The following SH3KBP1 variants were observed in gnomAD, a reference collection of about 807,000 sequenced individuals.
SH3KBP1 encodes SH3 domain containing kinase binding protein 1.
In SH3KBP1, 8 loss-of-function variants were observed where a neutral mutation model predicts 50.1. The observed-to-expected ratio is 0.16, with a 90% CI of 0.09 to 0.29. The LOEUF is 0.29. Among genes scored for constraint, SH3KBP1 ranks in the 10% least tolerant of loss-of-function variants. The pLI is 1.00. For missense variants in SH3KBP1, 377 were observed against 535.2 expected (o/e 0.70, Z 2.92); for synonymous variants, 227 against 218.6 (o/e 1.04, Z -0.34).
chrX:19,875,151 A>G (rs1359663862), intron 1 of SH3KBP1, among the ~76,000 whole-genome samples: 4 of 111,002 alleles, frequency 3.6e-5, no homozygotes, highest in African/African-American at 1.3e-4. Context: ...GCGCCAGACG[A>G]TGTCACAACT....
At chrX:19,593,722 C>T (rs892158230) in intron 10 of SH3KBP1, among the ~76,000 whole-genome samples, 13 of 111,687 alleles carry the variant, frequency 1.2e-4, no homozygotes, top group African/African-American at 3.9e-4. Context: ...CTGAAGAATC[C>T]AATCTTAGCT....
chrX:19,793,388 G>A (rs1367210322), intron 2 of SH3KBP1, among the ~76,000 whole-genome samples: 2 of 108,804 alleles, frequency 1.8e-5, no homozygotes, highest in East Asian at 2.9e-4. Flanking sequence ...TCGCTGAGGC[G>A]GAATACCTGG....
At chrX:19,692,294 A>G (rs1227687252) in intron 5 of SH3KBP1, among the ~76,000 whole-genome samples, 3 of 111,371 alleles carry the variant, frequency 2.7e-5, no homozygotes, top group Non-Finnish European at 5.6e-5. Flanking sequence ...GGAAAAATAC[A>G]TCAGAATAAG....
Position 19,534,868 on chromosome X carries a change from G to A in SH3KBP1, c.*1549C>T. 3.4e-6 allele frequency: 1 copy of A among 297,534 alleles called. No homozygotes were observed. Among genetic ancestry groups the A allele is most frequent in the Non-Finnish European group, 5.9e-6 (1 of 170,365 alleles). 24.5% of individuals were successfully genotyped at this position (297,534 alleles called of 1,213,427 possible). On this transcript the variant is annotated 3_prime_UTR_variant, in exon 18 of 18. Transcript: ENST00000397821. Reference sequence around the variant, plus strand: ...GGAGGAAGGGAGGAAGAGAAAGGAAGAGACATTTATTTGTAATACTATCAA... The same window carrying A: ...GGAGGAAGGGAGGAAGAGAAAGGAAAAGACATTTATTTGTAATACTATCAA...
intron 2 of SH3KBP1, among the ~76,000 whole-genome samples, chrX:19,764,656 T>C (rs960270471): frequency 3.6e-5 from 4 of 111,663 alleles, no homozygotes; most frequent in African/African-American, 1.3e-4. Flanking sequence ...TAAAAGGCGA[T>C]GGTGCATTAT....
intron 4 of SH3KBP1, among the ~76,000 whole-genome samples, chrX:19,705,734 A>G (rs1189997526): frequency 3.6e-5 from 4 of 111,520 alleles, no homozygotes; most frequent in African/African-American, 1.3e-4. Flanking sequence ...TCAACTGGTG[A>G]AAACTGAGAG....
Position 19,534,758 on chromosome X carries a change from AG to A in SH3KBP1, c.*1658del. On this transcript the variant is annotated 3_prime_UTR_variant, in exon 18 of 18. Coordinates refer to ENST00000397821, the MANE Select transcript of SH3KBP1 (RefSeq NM_031892.3). ...ATTATGCCCCCACCCAGGAAGACCA[AG>A]GTGTTTGGGCTCCTTAAATACTCGG... 1 of 296,380 alleles carries A rather than the reference AG, an allele frequency of 3.4e-6. No individual in the cohort carries two copies. The highest frequency in any genetic ancestry group is 5.9e-6 in the Non-Finnish European group (1 of 169,660). 24.4% of individuals were successfully genotyped at this position (296,380 alleles called of 1,213,427 possible).
chrX:19,702,002 GT>G (rs1255167830), intron 4 of SH3KBP1, among the ~76,000 whole-genome samples: 1 of 112,107 alleles, frequency 8.9e-6, no homozygotes, highest in Admixed American at 9.4e-5. Flanking sequence ...TAATATGAAT[GT>G]TTTACCATCT....
Position 19,634,986 on chromosome X carries a change from C to T in SH3KBP1, c.803-3028G>A, listed in dbSNP as rs2061668468. Among the ~76,000 whole-genome samples, 3 of 111,486 alleles carry T rather than the reference C, an allele frequency of 2.7e-5. No individual in the cohort carries two copies. In the East Asian group the frequency reaches 8.5e-4, roughly 31 times the overall value. ...CTCCAAGGGGCACACTGGGCTAGAC[C>T]TGAGTTCCTGGGAGCTCTGACTTTG... On this transcript the variant is annotated intron_variant, in intron 7 of 17. Coordinates refer to ENST00000397821, the MANE Select transcript of SH3KBP1 (RefSeq NM_031892.3).
chrX:19,812,900 G>A (rs1350797084), intron 2 of SH3KBP1, among the ~76,000 whole-genome samples: 4 of 110,362 alleles, frequency 3.6e-5, no homozygotes, highest in Non-Finnish European at 3.8e-5. Context: ...GCTTGAGCCC[G>A]GGAGGCGGAG....
At chrX:19,545,023 A>T (rs1602413828) in intron 15 of SH3KBP1, among the ~76,000 whole-genome samples, 2 of 112,482 alleles carry the variant, frequency 1.8e-5, no homozygotes, top group African/African-American at 6.5e-5. Flanking sequence ...TTTTGTGAAT[A>T]ATTACAACTG....
intron 4 of SH3KBP1, among the ~76,000 whole-genome samples, chrX:19,706,382 GA>G (rs757365157): frequency 9.0e-6 from 1 of 110,799 alleles, no homozygotes; most frequent in South Asian, 3.8e-4. Context: ...AGGGTCTCTT[GA>G]TCCTCCTTCC....
At chrX:19,887,088 G>A (rs1029750706) in intron 1 of SH3KBP1, among the ~76,000 whole-genome samples, 2 of 111,518 alleles carry the variant, frequency 1.8e-5, no homozygotes, top group African/African-American at 6.5e-5. Context: ...GTCTGCTCAG[G>A]CCCCCGCGGG....
chrX:19,668,375 C>CG (rs1396035059), intron 6 of SH3KBP1, among the ~76,000 whole-genome samples: 8 of 103,559 alleles, frequency 7.7e-5, no homozygotes, highest in African/African-American at 2.8e-4. Context: ...GGTGTGGTGG[C>CG]GGGCGCCTAT....
intron 1 of SH3KBP1, among the ~76,000 whole-genome samples, chrX:19,844,302 A>G (rs1483255324): frequency 8.1e-5 from 9 of 111,751 alleles, no homozygotes; most frequent in Non-Finnish European, 1.7e-4. Flanking sequence ...GTAGGTGCTC[A>G]ATAAATGTTG....
At chrX:19,623,310 T>C (rs1361722238) in intron 8 of SH3KBP1, among the ~76,000 whole-genome samples, 3 of 112,048 alleles carry the variant, frequency 2.7e-5, no homozygotes, top group Non-Finnish European at 3.8e-5. Flanking sequence ...TAATTTTGAT[T>C]TTTCTTTGTA....
Position 19,802,858 on chromosome X carries a change from T to C in SH3KBP1, c.162+33267A>G, listed in dbSNP as rs2066932352. Among the ~76,000 whole-genome samples, 3 of 111,332 alleles carry C rather than the reference T, an allele frequency of 2.7e-5. No homozygotes were observed. In the Admixed American group the frequency reaches 2.9e-4, roughly 11 times the overall value. ...GGGGCCCAGAACAGCTCTCAAGACA[T>C]AGCAGACACTCAACAGATGCCCACT... On this transcript the variant is annotated intron_variant, in intron 2 of 17. Transcript: ENST00000397821.
intron 8 of SH3KBP1, among the ~76,000 whole-genome samples, chrX:19,625,686 G>A (rs1022751966): frequency 2.7e-5 from 3 of 112,094 alleles, no homozygotes; most frequent in Admixed American, 9.4e-5. Flanking sequence ...TTTCTGCTAA[G>A]TAACAATGAT....
At chrX:19,686,686 G>A (rs1020531576) in intron 5 of SH3KBP1, among the ~76,000 whole-genome samples, 2 of 110,945 alleles carry the variant, frequency 1.8e-5, no homozygotes, top group African/African-American at 6.6e-5. Flanking sequence ...TCTTCCCATG[G>A]TGGAGTGGCA....
Sources: gnomAD v4.1 joint callset for allele counts (sites outside exome capture counted in the v4.1 genomes callset) on GRCh38, gnomAD v4.1.1 for gene constraint, MANE v1.5 for transcripts, NCBI Gene and HGNC (gene_info 2026-07-23, HGNC 2026-07-21) for gene names.